Variants in DNAH12 observed in about 807,000 individuals in gnomAD.
The protein encoded by DNAH12 is axonemal beta dynein heavy chain 12.
A neutral mutation model predicts 371.5 loss-of-function variants in DNAH12; 285 were observed. That is an observed-to-expected ratio of 0.77 (90% CI 0.70 to 0.85). The LOEUF (loss-of-function observed/expected upper bound fraction) is 0.85, where lower values mean the gene tolerates loss of function less well. Among genes scored for constraint, DNAH12 ranks in the 40% least tolerant of loss-of-function variants. The probability of loss-of-function intolerance (pLI) is 0.00; values close to 1 mark genes in which losing one functional copy is unlikely to be tolerated. For synonymous variants in DNAH12, 1,200 were observed against 1,213.0 expected (o/e 0.99, Z 0.22); for missense variants, 3,611 against 3,689.4 (o/e 0.98, Z 0.55).
intron 37 of DNAH12, among the ~76,000 whole-genome samples, chr3:57,416,866 C>T (rs1043246710): frequency 3.7e-4 from 56 of 152,194 alleles, no homozygotes; most frequent in African/African-American, 1.3e-3. Context: ...TTTATGTTCA[C>T]AAAACTCTGG....
chr3:57,301,692 ACACACACAC>A, intron 70 of DNAH12, 34 bp downstream of exon 70: 1 of 1,027,956 alleles, frequency 9.7e-7, no homozygotes, highest in Non-Finnish European at 1.3e-6. Flanking sequence ...ACACACACAC[ACACACACAC>A]ACACACACAC....
chr3:57,436,379 A>G (rs565802260), intron 30 of DNAH12, among the ~76,000 whole-genome samples: 1 of 152,238 alleles, frequency 6.6e-6, no homozygotes, highest in South Asian at 2.1e-4. Flanking sequence ...TTCACAATCA[A>G]TCCATCTCTA....
Position 57,419,400 on chromosome 3 carries a change from G to A in DNAH12, c.5681C>T (p.Thr1894Met), listed in dbSNP as rs781088908. The A allele has an allele frequency of 4.3e-5, 64 of 1,505,574 alleles. No individual in the cohort carries two copies. Among genetic ancestry groups the A allele is most frequent in the East Asian group, 5.3e-5 (2 of 37,492 alleles). 93.3% of individuals were successfully genotyped at this position (1,505,574 alleles called of 1,614,324 possible). Residue 1894 changes from threonine to methionine, a missense_variant, in exon 37 of 74, where the codon ACG (threonine) becomes ATG (methionine). By Grantham distance (81) the Thr-to-Met change is moderately conservative. Coordinates refer to ENST00000495027, the MANE Select transcript of DNAH12 (RefSeq NM_001366028.2). ...IVPTMDTIRY[T>M]FLMDLSITYA... ...GGTAATACTCAAATCCATTAGAAAC[G>A]TATATCTAATTGTGTCCATCGTAGG...
chr3:57,306,386 C>G (rs893190802), intron 69 of DNAH12, among the ~76,000 whole-genome samples: 1 of 152,144 alleles, frequency 6.6e-6, no homozygotes, highest in Non-Finnish European at 1.5e-5. Flanking sequence ...CCAACTTAGA[C>G]AATACTCTTT....
chr3:57,308,367 C>G (rs1056055910), intron 69 of DNAH12, among the ~76,000 whole-genome samples: 1 of 152,142 alleles, frequency 6.6e-6, no homozygotes, highest in African/African-American at 2.4e-5. Context: ...AAAAACACAC[C>G]TCGCCAAGCT....
At chr3:57,448,453 C>T (rs1161035376) in intron 25 of DNAH12, among the ~76,000 whole-genome samples, 1 of 150,916 alleles carries the variant, frequency 6.6e-6, no homozygotes, top group African/African-American at 2.4e-5. Flanking sequence ...TGGAGTTGTT[C>T]GTTCCTCCCA....
chr3:57,407,244 C>T (rs1490946425), intron 40 of DNAH12, among the ~76,000 whole-genome samples: 1 of 147,954 alleles, frequency 6.8e-6, no homozygotes, highest in Non-Finnish European at 1.5e-5. Context: ...CCTGCTCCAA[C>T]CTCCACACAT....
intron 16 of DNAH12, 57 bp downstream of exon 16, chr3:57,470,386 A>T: frequency 6.9e-7 from 1 of 1,443,626 alleles, no homozygotes; most frequent in Non-Finnish European, 9.2e-7. Context: ...ATCAATTTAT[A>T]TTTTACAAAT....
intron 62 of DNAH12, among the ~76,000 whole-genome samples, chr3:57,332,675 G>A (rs1194054923): frequency 6.6e-6 from 1 of 152,158 alleles, no homozygotes; most frequent in Non-Finnish European, 1.5e-5. Context: ...AACTGTCCAG[G>A]CAGAGTTCAG....
intron 39 of DNAH12, among the ~76,000 whole-genome samples, chr3:57,411,027 G>T (rs1210116824): frequency 5.9e-5 from 9 of 151,302 alleles, no homozygotes; most frequent in African/African-American, 2.2e-4. Flanking sequence ...GCAATAAGAT[G>T]AAAAAAAAGG....
chr3:57,468,826 A>C lies in DNAH12; in HGVS notation c.2259T>G (p.Ser753=), dbSNP rs2066279033. Residue 753 remains serine, a synonymous_variant, in exon 17 of 74, where the codon TCT becomes TCG. Coordinates refer to ENST00000495027, the MANE Select transcript of DNAH12 (RefSeq NM_001366028.2). Reference sequence around the variant, plus strand: ...CTTCTTCAATTTTCTCTTCTTCCAAAGACCGTTTTCTTGCTGCCTTTCTTT... The same window carrying C: ...CTTCTTCAATTTTCTCTTCTTCCAACGACCGTTTTCTTGCTGCCTTTCTTT... ...QEKRKAARKR[S]LEEEKIEEEP... is the part of the protein sequence containing the mutation. 6.5e-7 allele frequency: 1 copy of C among 1,536,700 alleles called. No individual in the cohort carries two copies. Among genetic ancestry groups the C allele is most frequent in the Admixed American group, 2.2e-5 (1 of 45,656 alleles).
At chr3:57,500,844 C>T (rs941262211) in intron 11 of DNAH12, among the ~76,000 whole-genome samples, 3 of 152,178 alleles carry the variant, frequency 2.0e-5, no homozygotes, top group Non-Finnish European at 4.4e-5. Flanking sequence ...CAGCCTCAAC[C>T]TCCTGGGCTC....
At chr3:57,421,857 C>A in intron 35 of DNAH12, 151 bp from the exon 36 acceptor site, 2 of 685,988 alleles carry the variant, frequency 2.9e-6, no homozygotes, top group Non-Finnish European at 2.3e-6. Context: ...ACTGCTAAGC[C>A]ACATAGTCAT....
chr3:57,333,394 G>A (rs1031028440), intron 62 of DNAH12, among the ~76,000 whole-genome samples: 3 of 148,222 alleles, frequency 2.0e-5, no homozygotes, highest in African/African-American at 7.7e-5. Context: ...GCAGTGGTGC[G>A]ATCTCTGCTC....
chr3:57,448,484 G>A (rs561398079), intron 25 of DNAH12, among the ~76,000 whole-genome samples: 37 of 152,276 alleles, frequency 2.4e-4, no homozygotes, highest in African/African-American at 8.2e-4. Flanking sequence ...TGGTCTCGCT[G>A]GCTTCAGGAG....
At chr3:57,499,673 T>TATATATATATATATATATATAC (rs771112538) in intron 11 of DNAH12, among the ~76,000 whole-genome samples, 4 of 44,460 alleles carry the variant, frequency 9.0e-5, no homozygotes, top group African/African-American at 3.6e-4. Context: ...TATATATATA[T>TATATATATATATATATATATAC]ATACTTCTTA....
chr3:57,312,660 A>C (rs947502563), intron 66 of DNAH12, among the ~76,000 whole-genome samples: 1 of 152,224 alleles, frequency 6.6e-6, no homozygotes, highest in Non-Finnish European at 1.5e-5. Context: ...GCTTGGCCAG[A>C]AGATGATTGA....
chr3:57,409,849 G>C (rs1023133063), intron 39 of DNAH12, among the ~76,000 whole-genome samples: 2 of 152,144 alleles, frequency 1.3e-5, no homozygotes, highest in Non-Finnish European at 2.9e-5. Flanking sequence ...TTACATGTGA[G>C]AAACTAACCA....
Position 57,493,044 on chromosome 3 carries a change from T to G in DNAH12, c.1336-3357A>C, listed in dbSNP as rs536244786. The stretch of plus-strand genomic sequence containing the variant: ...AACAAACAAACAAACAAAACTTTAA[T>G]GAAACATATACTTGGTCTTGATATT... On this transcript the variant is annotated intron_variant, in intron 11 of 73. Transcript: ENST00000495027. 3.3e-5 allele frequency among the ~76,000 whole-genome samples: 5 copies of G among 152,070 alleles called. No homozygotes were observed. In the South Asian group the frequency reaches 1.0e-3, roughly 32 times the overall value.
Sources: gnomAD v4.1 joint callset for allele counts (sites outside exome capture counted in the v4.1 genomes callset) on GRCh38, gnomAD v4.1.1 for gene constraint, MANE v1.5 for transcripts, NCBI Gene and HGNC (gene_info 2026-07-23, HGNC 2026-07-21) for gene names.